EGFR: variants seen among roughly 807,000 people sequenced by gnomAD.
EGFR encodes avian erythroblastic leukemia viral (v-erb-b) oncogene homolog.
A neutral mutation model predicts 143.0 loss-of-function variants in EGFR; 58 were observed. The ratio of observed to expected loss-of-function variants is 0.41; its 90% CI spans 0.33 to 0.50. EGFR has a LOEUF of 0.50. Among genes scored for constraint, EGFR ranks in the 20% least tolerant of loss-of-function variants. EGFR has a pLI of 0.39. For missense variants in EGFR, 1,307 were observed against 1,579.0 expected (o/e 0.83, Z 2.92); for synonymous variants, 613 against 594.4 (o/e 1.03, Z -0.45).
rs531285804 is a variant in EGFR, at chr7:55,139,290, C to G, written c.89-2996C>G. ...TTAAATTAATTAAAAACCTCTTGCT[C>G]TTTGCAGTTTTGTCTTAAATCTACC... On this transcript the variant is annotated intron_variant, in intron 1 of 27. Transcript: ENST00000275493. 2.0e-3 allele frequency among the ~76,000 whole-genome samples: 311 copies of G among 152,306 alleles called. 1 individual carries two copies. Among genetic ancestry groups the G allele is most frequent in the Middle Eastern group, 0.01 (3 of 294 alleles).
At chr7:55,036,532 T>C (rs1039354338) in intron 1 of EGFR, among the ~76,000 whole-genome samples, 1 of 152,180 alleles carries the variant, frequency 6.6e-6, no homozygotes, top group African/African-American at 2.4e-5. Flanking sequence ...AAAATATATA[T>C]GGTTCACCTG....
At chr7:55,152,296 A>G (rs1470820652) in intron 5 of EGFR, 1 of 687,986 alleles carries the variant, frequency 1.5e-6, no homozygotes, top group Non-Finnish European at 2.7e-6. Context: ...CCCAAGATGC[A>G]TCTAATTATT....
chr7:55,019,468 C>A, intron 1 of EGFR, 103 bp downstream of exon 1: 1 of 580,172 alleles, frequency 1.7e-6, no homozygotes, highest in South Asian at 7.8e-5. Flanking sequence ...CGCCCGCGCC[C>A]CCGCCCGTCC....
intron 1 of EGFR, among the ~76,000 whole-genome samples, chr7:55,122,427 G>A (rs1793263914): frequency 6.6e-6 from 1 of 152,190 alleles, no homozygotes; most frequent in Admixed American, 6.5e-5. Context: ...TGGCAGTGGG[G>A]GGAACCGCAC....
At chr7:55,199,451 G>A (rs1244607093) in intron 23 of EGFR, among the ~76,000 whole-genome samples, 2 of 152,222 alleles carry the variant, frequency 1.3e-5, no homozygotes, top group African/African-American at 4.8e-5. Flanking sequence ...GTTGTATAGG[G>A]AATATGACAG....
intron 1 of EGFR, among the ~76,000 whole-genome samples, chr7:55,045,293 C>A (rs1788125562): frequency 6.6e-6 from 1 of 152,174 alleles, no homozygotes; most frequent in Non-Finnish European, 1.5e-5. Context: ...TTGCTCCTCT[C>A]TGTATAAATT....
chr7:55,143,579 G>A (rs17289596), intron 3 of EGFR, 91 bp downstream of exon 3: 13 of 1,442,232 alleles, frequency 9.0e-6, no homozygotes, highest in African/African-American at 7.0e-5. Context: ...ATTCCACCTC[G>A]GAGAAGGCTT....
chr7:55,147,167 C>G (rs2128930044), intron 4 of EGFR, among the ~76,000 whole-genome samples: 1 of 152,346 alleles, frequency 6.6e-6, no homozygotes, highest in East Asian at 1.9e-4. Flanking sequence ...ATGAACACTG[C>G]CACATGGAGT....
chr7:55,154,132 C>T lies in EGFR; in HGVS notation c.869C>T (p.Thr290Ile), dbSNP rs1020654485. The change falls in exon 7 of 28, where the codon ACC becomes ATC. Residue 290 changes from threonine to isoleucine, a missense_variant. This residue lies in a region of EGFR where 311 missense variants were observed against 412.3 expected (regional missense o/e 0.75). Coordinates refer to ENST00000275493, the MANE Select transcript of EGFR (RefSeq NM_005228.5). Reference protein sequence around the residue: ...NPEGKYSFGATCVKKCPRNYV... With the variant: ...NPEGKYSFGAICVKKCPRNYV... ...GAGGGCAAATACAGCTTTGGTGCCA[C>T]CTGCGTGAAGAAGTGTCCCCGTGAG... is the stretch of plus-strand genomic sequence containing the variant. 5.0e-6 allele frequency: 8 copies of T among 1,614,248 alleles called. No individual in the cohort carries two copies. Among genetic ancestry groups the T allele is most frequent in the Admixed American group, 1.7e-5 (1 of 60,034 alleles).
At chr7:55,071,216 A>G (rs565187973) in intron 1 of EGFR, among the ~76,000 whole-genome samples, 21 of 152,356 alleles carry the variant, frequency 1.4e-4, no homozygotes, top group African/African-American at 5.1e-4. Flanking sequence ...TTCTGCCCCC[A>G]TTCCCATTCC....
chr7:55,067,290 A>G (rs558953815), intron 1 of EGFR, among the ~76,000 whole-genome samples: 145 of 146,158 alleles, frequency 9.9e-4, no homozygotes, highest in Non-Finnish European at 1.7e-3. Context: ...AAGACTATTC[A>G]GAAGCACAGT....
chr7:55,105,174 C>T (rs901106719), intron 1 of EGFR, among the ~76,000 whole-genome samples: 11 of 152,140 alleles, frequency 7.2e-5, no homozygotes, highest in Admixed American at 6.5e-4. Context: ...TTATTTTTAG[C>T]CATCTCCCCT....
chr7:55,036,269 TG>T (rs1787565671), intron 1 of EGFR, among the ~76,000 whole-genome samples: 2 of 16,836 alleles, frequency 1.2e-4, no homozygotes, highest in Non-Finnish European at 1.7e-4. Flanking sequence ...TTTGTGTGTG[TG>T]TGGGGGGGGG....
chr7:55,082,591 G>A (rs1790526263), intron 1 of EGFR, among the ~76,000 whole-genome samples: 1 of 152,082 alleles, frequency 6.6e-6, no homozygotes, highest in African/African-American at 2.4e-5. Context: ...ATTACCCAGG[G>A]TTTTCATTTT....
intron 26 of EGFR, 134 bp downstream of exon 26, chr7:55,201,916 C>A: frequency 1.9e-6 from 2 of 1,027,826 alleles, no homozygotes; most frequent in Non-Finnish European, 3.0e-6. Flanking sequence ...TTTTTCCCTG[C>A]ACGGCTGTCA....
At chr7:55,023,058 A>ATG (rs1477022829) in intron 1 of EGFR, among the ~76,000 whole-genome samples, 1 of 152,240 alleles carries the variant, frequency 6.6e-6, no homozygotes, top group Non-Finnish European at 1.5e-5. Flanking sequence ...ATTGATGATT[A>ATG]TGGGCACTGA....
chr7:55,127,907 A>G (rs1166954520), intron 1 of EGFR, among the ~76,000 whole-genome samples: 1 of 152,208 alleles, frequency 6.6e-6, no homozygotes, highest in Non-Finnish European at 1.5e-5. Flanking sequence ...GCCACTGGAA[A>G]CCACCTCACA....
chr7:55,194,531 A>T lies in EGFR; in HGVS notation c.2701+1690A>T, dbSNP rs541605184. 2.0e-5 allele frequency among the ~76,000 whole-genome samples: 3 copies of T among 152,274 alleles called. No individual in the cohort carries two copies. In the South Asian group the frequency reaches 6.2e-4, roughly 32 times the overall value. On this transcript the variant is annotated intron_variant, in intron 22 of 27. Coordinates refer to ENST00000275493, the MANE Select transcript of EGFR (RefSeq NM_005228.5). ...TTATCAGACTTTTCATTCTCTGCTC[A>T]ACATCTTTCTTTGGTCCTCCAGGTA...
At position 55,163,959 on chromosome 7, in the gene EGFR, G is replaced by T. The variant is rs17290124; in HGVS notation, c.1722+136G>T. 2,027 of 891,590 alleles carry T rather than the reference G, an allele frequency of 2.3e-3. 38 individuals are homozygous for T. The African/African-American group carries it at 0.028, about 12-fold the overall frequency. The allele number at this position is 891,590 out of a possible 1,614,324, so 55.2% of individuals were successfully genotyped here. On this transcript the variant is annotated intron_variant, in intron 14 of 27. Coordinates refer to ENST00000275493, the MANE Select transcript of EGFR (RefSeq NM_005228.5). ...CCACTTCCCAGAGGAGACGGCAGGCGCTGACAGCGCTGTCCGGGCAGGGTG... is the reference window on the plus strand; with the variant it reads ...CCACTTCCCAGAGGAGACGGCAGGCTCTGACAGCGCTGTCCGGGCAGGGTG...
Sources: gnomAD v4.1 joint callset for allele counts (sites outside exome capture counted in the v4.1 genomes callset) on GRCh38, gnomAD v4.1.1 for gene constraint, gnomAD v4.1.1 regional missense constraint, MANE v1.5 for transcripts, NCBI Gene and HGNC (gene_info 2026-07-23, HGNC 2026-07-21) for gene names.